The following WDFY3 variants were observed in gnomAD, a reference collection of about 807,000 sequenced individuals.
WDFY3 encodes the protein WD repeat and FYVE domain containing 3, also known as WD repeat and FYVE domain-containing protein 3.
Under a neutral mutation model 409.6 loss-of-function variants are expected in WDFY3, and 66 were observed. The ratio of observed to expected loss-of-function variants is 0.16; its 90% CI spans 0.13 to 0.20. The LOEUF (loss-of-function observed/expected upper bound fraction) is 0.20, where lower values mean the gene tolerates loss of function less well. Ranked by LOEUF, WDFY3 falls within the 10% of genes least tolerant of loss-of-function variation. WDFY3 has a pLI of 1.00. For synonymous variants in WDFY3, 1,521 were observed against 1,537.1 expected, an observed-to-expected ratio of 0.99 and a Z score of 0.25; for missense variants, 3,031 against 4,298.1, an observed-to-expected ratio of 0.71 and a Z score of 8.24.
Position 84,826,800 on chromosome 4 carries a change from A to G in WDFY3, c.1123+15T>C. The stretch of plus-strand genomic sequence containing the variant: ...ATTTCTCTCAGTAGCACAGAAGGGA[A>G]AAAACAAGACTCACCTTTGCCTGCA... On this transcript the variant is annotated intron_variant, in intron 10 of 67. Coordinates refer to ENST00000295888, the MANE Select transcript of WDFY3 (RefSeq NM_014991.6). 2 of 1,579,182 alleles carry G rather than the reference A, an allele frequency of 1.3e-6. No individual in the cohort carries two copies. Among genetic ancestry groups the G allele is most frequent in the East Asian group, 2.3e-5 (1 of 43,884 alleles).
At chr4:84,763,054 A>C (rs1326730834) in intron 32 of WDFY3, among the ~76,000 whole-genome samples, 2 of 152,202 alleles carry the variant, frequency 1.3e-5, no homozygotes, top group East Asian at 1.9e-4. Context: ...AAGTCCTAAA[A>C]AAAAACCAAA....
chr4:84,875,140 C>T (rs1167982090), intron 3 of WDFY3, among the ~76,000 whole-genome samples: 2 of 151,838 alleles, frequency 1.3e-5, no homozygotes, highest in Non-Finnish European at 2.9e-5. Context: ...TGGTGGCACG[C>T]GCCTGTAGTC....
intron 17 of WDFY3, among the ~76,000 whole-genome samples, chr4:84,799,575 G>A (rs1014925628): frequency 2.0e-5 from 3 of 151,736 alleles, no homozygotes; most frequent in Non-Finnish European, 2.9e-5. Flanking sequence ...CTGCTATTAC[G>A]AACTTAATAA....
intron 5 of WDFY3, among the ~76,000 whole-genome samples, chr4:84,845,095 A>G (rs907436567): frequency 6.6e-6 from 1 of 152,148 alleles, no homozygotes; most frequent in African/African-American, 2.4e-5. Flanking sequence ...TCTACAGCCC[A>G]TATCTCAAGT....
intron 62 of WDFY3, among the ~76,000 whole-genome samples, chr4:84,687,562 G>C (rs1334701349): frequency 6.6e-6 from 1 of 152,138 alleles, no homozygotes; most frequent in Non-Finnish European, 1.5e-5. Flanking sequence ...GCAGTGAATG[G>C]ATTTTAAGAC....
intron 59 of WDFY3, 137 bp from the exon 60 acceptor site, chr4:84,691,922 T>TA (rs1204711185): frequency 6.7e-6 from 6 of 895,100 alleles, no homozygotes; most frequent in Non-Finnish European, 8.1e-6. Flanking sequence ...ATCTCTGAAA[T>TA]AGAGCTGGGC....
chr4:84,963,870 G>T (rs190316817), intron 1 of WDFY3, among the ~76,000 whole-genome samples: 1 of 152,074 alleles, frequency 6.6e-6, no homozygotes, highest in Non-Finnish European at 1.5e-5. Context: ...ATTTTCCTTC[G>T]ATTTAAATGA....
intron 44 of WDFY3, among the ~76,000 whole-genome samples, chr4:84,729,546 A>G (rs945715045): frequency 1.3e-5 from 2 of 152,108 alleles, no homozygotes; most frequent in East Asian, 1.9e-4. Context: ...TTAACGCTTT[A>G]AAGTCTGAAT....
At chr4:84,686,167 G>A (rs976324091) in intron 62 of WDFY3, among the ~76,000 whole-genome samples, 11 of 152,108 alleles carry the variant, frequency 7.2e-5, no homozygotes, top group Admixed American at 1.3e-4. Context: ...TCAGCTGGGC[G>A]CGGTGGTGGG....
intron 3 of WDFY3, among the ~76,000 whole-genome samples, chr4:84,873,137 CATAT>C (rs1271419074): frequency 6.6e-6 from 1 of 152,130 alleles, no homozygotes; most frequent in African/African-American, 2.4e-5. Flanking sequence ...GAAATCAATA[CATAT>C]ATAGTTTACC....
At chr4:84,683,674 G>C (rs1727796312) in intron 63 of WDFY3, among the ~76,000 whole-genome samples, 2 of 152,172 alleles carry the variant, frequency 1.3e-5, no homozygotes, top group Non-Finnish European at 2.9e-5. Context: ...ATCCCAGTGT[G>C]ACATGGGAAT....
chr4:84,679,427 A>G (rs575843000), intron 64 of WDFY3, among the ~76,000 whole-genome samples, 185 bp from the exon 65 acceptor site: 1 of 152,340 alleles, frequency 6.6e-6, no homozygotes, highest in East Asian at 1.9e-4. Context: ...AAAGAAATAA[A>G]AAAGTCGAAT....
intron 21 of WDFY3, among the ~76,000 whole-genome samples, chr4:84,791,100 A>G (rs1354495165): frequency 6.6e-6 from 1 of 152,186 alleles, no homozygotes; most frequent in African/African-American, 2.4e-5. Context: ...CAGCAATACC[A>G]TATCTGGGCA....
At chr4:84,945,502 G>A (rs1772705917) in intron 1 of WDFY3, among the ~76,000 whole-genome samples, 1 of 152,210 alleles carries the variant, frequency 6.6e-6, no homozygotes, top group African/African-American at 2.4e-5. Context: ...AAATGGTGAT[G>A]GGCAGATGCC....
chr4:84,705,779 T>A (rs572669543), intron 53 of WDFY3, among the ~76,000 whole-genome samples: 24 of 152,288 alleles, frequency 1.6e-4, no homozygotes, highest in Non-Finnish European at 2.9e-4. Context: ...CCACTCAGGA[T>A]CCAGGTTTAG....
In WDFY3 at chr4:84,884,533, G is replaced by T. The variant is rs117562848; in HGVS notation, c.-32+12378C>A. ...GAAATTACATTTAATTACAATTAAAGAAATTGATCAAGAATTAACAATACA... is the reference window on the plus strand; with the variant it reads ...GAAATTACATTTAATTACAATTAAATAAATTGATCAAGAATTAACAATACA... On this transcript the variant is annotated intron_variant, in intron 3 of 67. Coordinates refer to ENST00000295888, the MANE Select transcript of WDFY3 (RefSeq NM_014991.6). Among the ~76,000 whole-genome samples, 164 of 152,072 alleles carry T rather than the reference G, an allele frequency of 1.1e-3. 2 individuals carry two copies. The highest frequency in any genetic ancestry group is 6.2e-3 in the East Asian group (32 of 5,164).
At chr4:84,890,110 T>A (rs1015299976) in intron 3 of WDFY3, among the ~76,000 whole-genome samples, 6 of 152,136 alleles carry the variant, frequency 3.9e-5, no homozygotes, top group South Asian at 2.1e-4. Flanking sequence ...AGCTTTTTTT[T>A]ATTTTTTTTT....
chr4:84,931,100 T>C (rs375174572), intron 2 of WDFY3, among the ~76,000 whole-genome samples: 1 of 152,188 alleles, frequency 6.6e-6, no homozygotes, highest in African/African-American at 2.4e-5. Flanking sequence ...ATAGTATACA[T>C]AGGGTTCCCT....
intron 7 of WDFY3, among the ~76,000 whole-genome samples, chr4:84,834,878 G>A (rs1477506670): frequency 7.9e-5 from 12 of 152,132 alleles, no homozygotes; most frequent in Admixed American, 6.5e-4. Flanking sequence ...TAATAAGTTC[G>A]TGTCAATTGG....
Sources: gnomAD v4.1 joint callset for allele counts (sites outside exome capture counted in the v4.1 genomes callset) on GRCh38, gnomAD v4.1.1 for gene constraint, MANE v1.5 for transcripts, NCBI Gene and HGNC (gene_info 2026-07-23, HGNC 2026-07-21) for gene names.